The following BNC2 variants were observed in gnomAD, a reference collection of about 807,000 sequenced individuals.
BNC2 encodes the protein zinc finger protein basonuclin-2.
Under a neutral mutation model 76.3 loss-of-function variants are expected in BNC2, and 20 were observed. The observed-to-expected ratio is 0.26, with a 90% CI of 0.18 to 0.38. BNC2 has a LOEUF of 0.38. BNC2 is among the 10% of genes least tolerant of loss of function. The pLI is 1.00. For synonymous variants in BNC2, 582 were observed against 514.8 expected (o/e 1.13, Z -1.77); for missense variants, 1,382 against 1,399.8 (o/e 0.99, Z 0.20).
intron 5 of BNC2, chr9:16,475,962 A>T (rs1821919630): frequency 6.6e-6 from 1 of 152,174 alleles, no homozygotes; most frequent in Non-Finnish European, 1.5e-5. Flanking sequence ...AATTTAATTT[A>T]ATCAAATGCA....
intron 5 of BNC2, among the ~76,000 whole-genome samples, chr9:16,481,073 C>A (rs974288563): frequency 3.3e-5 from 5 of 152,162 alleles, no homozygotes; most frequent in African/African-American, 4.8e-5. Flanking sequence ...ACGCACCAAT[C>A]AGCACCCTGT....
intron 1 of BNC2, among the ~76,000 whole-genome samples, chr9:16,854,314 A>G (rs1819200371): frequency 6.6e-6 from 1 of 152,220 alleles, no homozygotes; most frequent in South Asian, 2.1e-4. Flanking sequence ...GCATCACACA[A>G]TGTACAGAAT....
intron 5 of BNC2, among the ~76,000 whole-genome samples, chr9:16,462,085 T>A (rs72717017): frequency 3.9e-5 from 6 of 152,266 alleles, no homozygotes; most frequent in Non-Finnish European, 2.9e-5. Context: ...ATTTAATGAG[T>A]GTCCATTGGC....
chr9:16,668,950 G>C (rs73645842), intron 3 of BNC2, among the ~76,000 whole-genome samples: 7,704 of 152,212 alleles, frequency 0.051, 720 homozygotes, highest in African/African-American at 0.18. Context: ...CTGTATGTGA[G>C]TAAGTTGACG....
chr9:16,537,920 G>A (rs1468410669), intron 5 of BNC2, among the ~76,000 whole-genome samples: 1 of 152,146 alleles, frequency 6.6e-6, no homozygotes, highest in East Asian at 1.9e-4. Flanking sequence ...CCTTCTAAGG[G>A]TGTGCCCCTT....
At chr9:16,628,290 T>C (rs1224473967) in intron 3 of BNC2, among the ~76,000 whole-genome samples, 2 of 152,212 alleles carry the variant, frequency 1.3e-5, no homozygotes, top group African/African-American at 4.8e-5. Flanking sequence ...GTCTCTGTTC[T>C]ATGTCTCTGC....
chr9:16,826,226 C>A lies in BNC2; in HGVS notation c.3+44420G>T, dbSNP rs12686459. 4.7e-5 allele frequency among the ~76,000 whole-genome samples: 6 copies of A among 127,794 alleles called. No homozygotes were observed. In the East Asian group the frequency reaches 8.3e-4, roughly 18 times the overall value. 83.8% of individuals were successfully genotyped at this position (127,794 alleles called of 152,430 possible). ...CCTTTCTCCTTACTTCACTCCCCCC[C>A]GCTCAATCTTCCCCCATAACCCAGA... is the stretch of plus-strand genomic sequence containing the variant. On this transcript the variant is annotated intron_variant, in intron 1 of 6. Coordinates refer to ENST00000380672, the MANE Select transcript of BNC2 (RefSeq NM_017637.6).
intron 3 of BNC2, among the ~76,000 whole-genome samples, chr9:16,629,398 G>A (rs1821095604): frequency 6.6e-6 from 1 of 152,154 alleles, no homozygotes; most frequent in Non-Finnish European, 1.5e-5. Context: ...GAAGATCTTG[G>A]CCTCTGTGGT....
chr9:16,852,291 T>C (rs887852273), intron 1 of BNC2, among the ~76,000 whole-genome samples: 1 of 152,108 alleles, frequency 6.6e-6, no homozygotes, highest in Non-Finnish European at 1.5e-5. Flanking sequence ...CCCCAAATCG[T>C]AAAGGATGAT....
intron 5 of BNC2, among the ~76,000 whole-genome samples, chr9:16,513,667 AG>A (rs1822812265): frequency 6.6e-6 from 1 of 152,238 alleles, no homozygotes; most frequent in African/African-American, 2.4e-5. Context: ...GTACAGGACC[AG>A]GAAGAAAACT....
At chr9:16,680,828 T>C (rs1457697852) in intron 3 of BNC2, among the ~76,000 whole-genome samples, 2 of 152,176 alleles carry the variant, frequency 1.3e-5, no homozygotes, top group African/African-American at 4.8e-5. Flanking sequence ...ACAGGCTAAC[T>C]TCAGATTCCT....
chr9:16,497,251 GATATTGCAGAAAACAGTA>G (rs1197846677), intron 5 of BNC2, among the ~76,000 whole-genome samples: 5 of 152,232 alleles, frequency 3.3e-5, no homozygotes, highest in Non-Finnish European at 5.9e-5. Context: ...CTAATTTCTA[GATATTGCAGAAAACAGTA>G]TTCAGTATCT....
At chr9:16,779,297 C>A (rs1221561701) in intron 1 of BNC2, among the ~76,000 whole-genome samples, 4 of 67,112 alleles carry the variant, frequency 6.0e-5, no homozygotes, top group African/African-American at 1.9e-4. Context: ...GAGAGACCCT[C>A]TCTCAAAAAA....
chr9:16,738,517 T>C, intron 1 of BNC2, 32 bp from the exon 2 acceptor site: 1 of 1,611,812 alleles, frequency 6.2e-7, no homozygotes, highest in Non-Finnish European at 8.5e-7. Flanking sequence ...AAATTACATA[T>C]GCCCAGACAG....
chr9:16,437,288 C>T lies in BNC2; in HGVS notation c.906G>A (p.Glu302=). ...TRSPSLLAHL[E]NSNPSSIHHF... ...GATGAATGCTGGAAGGATTGCTGTTCTCTAAGTGAGCAAGGAGGCTGGGAC... is the reference window on the plus strand; with the variant it reads ...GATGAATGCTGGAAGGATTGCTGTTTTCTAAGTGAGCAAGGAGGCTGGGAC... The change falls in exon 6 of 7, where the codon GAG becomes GAA. Residue 302 remains glutamate, a synonymous_variant. Coordinates refer to ENST00000380672, the MANE Select transcript of BNC2 (RefSeq NM_017637.6). 6.2e-7 allele frequency: 1 copy of T among 1,614,146 alleles called. No individual in the cohort carries two copies. Among genetic ancestry groups the T allele is most frequent in the South Asian group, 1.1e-5 (1 of 91,070 alleles).
chr9:16,743,775 G>A (rs995340978), intron 1 of BNC2, among the ~76,000 whole-genome samples: 2 of 152,154 alleles, frequency 1.3e-5, no homozygotes, highest in South Asian at 2.1e-4. Context: ...CAGATGGACT[G>A]GCTCCTTTTT....
intron 1 of BNC2, among the ~76,000 whole-genome samples, chr9:16,842,762 T>A (rs901769560): frequency 6.7e-5 from 10 of 148,540 alleles, no homozygotes; most frequent in Admixed American, 5.3e-4. Flanking sequence ...TTTTGTTTTG[T>A]TTTACTTTGT....
intron 3 of BNC2, among the ~76,000 whole-genome samples, chr9:16,609,626 T>G (rs1290681044): frequency 6.6e-6 from 1 of 152,198 alleles, no homozygotes; most frequent in Non-Finnish European, 1.5e-5. Context: ...CTACAAACTA[T>G]TCAGGTACCT....
intron 1 of BNC2, among the ~76,000 whole-genome samples, chr9:16,763,626 T>C (rs930310045): frequency 2.6e-5 from 4 of 152,126 alleles, no homozygotes; most frequent in Admixed American, 6.6e-5. Context: ...TATATGAAGT[T>C]AGGAAACAAA....
Sources: allele counts gnomAD v4.1 joint callset (sites outside exome capture counted in the v4.1 genomes callset), GRCh38; gene constraint gnomAD v4.1.1; transcripts MANE v1.5; gene names NCBI Gene and HGNC (gene_info 2026-07-23, HGNC 2026-07-21).